Variants in CSTPP1 observed in about 807,000 individuals in gnomAD.
CSTPP1 encodes the protein centriolar satellite-associated tubulin polyglutamylase complex regulator 1.
the CSTPP1 span, among the ~76,000 whole-genome samples, chr11:46,975,681 C>G: frequency 6.6e-6 from 1 of 152,146 alleles, no homozygotes; most frequent in Non-Finnish European, 1.5e-5. Flanking sequence ...CTACTTTGAG[C>G]AAGCCCAAGA....
chr11:47,027,379 G>C, the CSTPP1 span, among the ~76,000 whole-genome samples: 1 of 152,108 alleles, frequency 6.6e-6, no homozygotes. Context: ...AAGATCCAAT[G>C]GGGGGAAGAG....
the CSTPP1 span, among the ~76,000 whole-genome samples, chr11:47,006,143 G>T: frequency 6.6e-6 from 1 of 152,112 alleles, no homozygotes; most frequent in African/African-American, 2.4e-5. Flanking sequence ...AACATTTCCT[G>T]TATCCATAAT....
the CSTPP1 span, among the ~76,000 whole-genome samples, chr11:46,989,011 C>T: frequency 6.6e-6 from 1 of 152,110 alleles, no homozygotes; most frequent in East Asian, 1.9e-4. Flanking sequence ...GTGGGCAGAT[C>T]ATGAGGTCAG....
chr11:47,153,400 A>G, the CSTPP1 span, among the ~76,000 whole-genome samples: 4 of 152,194 alleles, frequency 2.6e-5, no homozygotes, highest in Non-Finnish European at 4.4e-5. Context: ...GATGCCTAAC[A>G]TATCAGTAAC....
chr11:47,128,121 C>G, the CSTPP1 span, among the ~76,000 whole-genome samples: 2 of 152,128 alleles, frequency 1.3e-5, no homozygotes, highest in East Asian at 3.9e-4. Flanking sequence ...GTGATCTGCC[C>G]GCCTCTGGCT....
At chr11:47,008,073 T>A in the CSTPP1 span, among the ~76,000 whole-genome samples, 1 of 152,140 alleles carries the variant, frequency 6.6e-6, no homozygotes, top group African/African-American at 2.4e-5. Flanking sequence ...GTTCAAGTGA[T>A]TCTCCTGCCT....
chr11:47,020,317 T>A, the CSTPP1 span, among the ~76,000 whole-genome samples: 1 of 152,234 alleles, frequency 6.6e-6, no homozygotes, highest in Non-Finnish European at 1.5e-5. Context: ...TAATTTTTTA[T>A]AAAATAATGT....
chr11:47,078,562 C>T, the CSTPP1 span, among the ~76,000 whole-genome samples: 1 of 151,930 alleles, frequency 6.6e-6, no homozygotes, highest in Non-Finnish European at 1.5e-5. Flanking sequence ...GGAGCAAGGT[C>T]CCAGAAACTG....
the CSTPP1 span, among the ~76,000 whole-genome samples, chr11:47,029,832 T>C: frequency 6.7e-5 from 10 of 149,700 alleles, no homozygotes; most frequent in Non-Finnish European, 1.3e-4. Flanking sequence ...GCACAGTGGC[T>C]CACACCTATA....
At chr11:47,063,418 C>T in the CSTPP1 span, among the ~76,000 whole-genome samples, 1 of 152,106 alleles carries the variant, frequency 6.6e-6, no homozygotes, top group Admixed American at 6.6e-5. Flanking sequence ...CATTATTACC[C>T]TCCATCTCCA....
chr11:47,075,668 C>T, the CSTPP1 span, among the ~76,000 whole-genome samples: 1 of 151,704 alleles, frequency 6.6e-6, no homozygotes, highest in Non-Finnish European at 1.5e-5. Context: ...CCTGTAATTC[C>T]AGCACTTTGG....
the CSTPP1 span, among the ~76,000 whole-genome samples, chr11:47,150,457 G>GGT: frequency 6.6e-6 from 1 of 152,182 alleles, no homozygotes; most frequent in African/African-American, 2.4e-5. Flanking sequence ...GGGAGACAGA[G>GGT]GTGTCACTTG....
chr11:47,016,214 AAGAC>A, the CSTPP1 span, among the ~76,000 whole-genome samples: 18 of 152,170 alleles, frequency 1.2e-4, no homozygotes, highest in Admixed American at 1.3e-4. Context: ...TTAATGGTGA[AAGAC>A]AGAAGACTTT....
chr11:46,965,180 AAATAACAAT>A, the CSTPP1 span, among the ~76,000 whole-genome samples: 3 of 152,262 alleles, frequency 2.0e-5, no homozygotes, highest in East Asian at 5.8e-4. Flanking sequence ...AATTCATTTA[AAATAACAAT>A]AATCAGCCTA....
chr11:47,138,422 G>A, the CSTPP1 span, among the ~76,000 whole-genome samples: 19 of 152,176 alleles, frequency 1.2e-4, no homozygotes, highest in African/African-American at 4.6e-4. Context: ...ATATCAGGGG[G>A]CAAGGGTTGG....
chr11:47,085,264 A>G, the CSTPP1 span, among the ~76,000 whole-genome samples: 2 of 152,180 alleles, frequency 1.3e-5, no homozygotes, highest in Non-Finnish European at 2.9e-5. Flanking sequence ...TCACTTTTGT[A>G]TAGATATACC....
the CSTPP1 span, among the ~76,000 whole-genome samples, chr11:47,090,543 G>C: frequency 9.2e-5 from 14 of 152,210 alleles, no homozygotes; most frequent in African/African-American, 3.4e-4. Flanking sequence ...GAAAGGGTCA[G>C]AGAGGTCCCT....
chr11:47,065,569 C>T, the CSTPP1 span, among the ~76,000 whole-genome samples: 1,477 of 152,246 alleles, frequency 9.7e-3, 7 homozygotes, highest in Non-Finnish European at 0.016. Flanking sequence ...TGAGCTACCA[C>T]GCCCAGCCTC....
At chr11:47,038,279 G>C in the CSTPP1 span, among the ~76,000 whole-genome samples, 1 of 112,094 alleles carries the variant, frequency 8.9e-6, no homozygotes, top group African/African-American at 2.7e-5. Flanking sequence ...CGGGCGGGGG[G>C]CTGACCCCCC....
Sources: gnomAD v4.1 joint callset for allele counts (sites outside exome capture counted in the v4.1 genomes callset) on GRCh38, gnomAD v4.1.1 for gene constraint, MANE v1.5 for transcripts, NCBI Gene and HGNC (gene_info 2026-07-23, HGNC 2026-07-21) for gene names.